Variants in SYNE1 observed in about 807,000 individuals in gnomAD.
The protein encoded by SYNE1 is spectrin repeat containing nuclear envelope protein 1.
Under a neutral mutation model 1,111.0 loss-of-function variants are expected in SYNE1, and 616 were observed. The observed-to-expected ratio is 0.55, with a 90% CI of 0.52 to 0.59. The LOEUF is 0.59. Among genes scored for constraint, SYNE1 ranks in the 20% least tolerant of loss-of-function variants. The pLI is 0.00. For missense variants in SYNE1, 10,006 were observed against 10,417.0 expected (o/e 0.96, Z 1.72); for synonymous variants, 3,855 against 3,825.8 (o/e 1.01, Z -0.28).
At chr6:152,249,538 A>G (rs141965816) in intron 104 of SYNE1, among the ~76,000 whole-genome samples, 208 of 151,834 alleles carry the variant, frequency 1.4e-3, no homozygotes, top group African/African-American at 4.9e-3. Flanking sequence ...CCCTAATCTC[A>G]TTACATCCGA....
At position 152,201,838 on chromosome 6, in the gene SYNE1, G is replaced by A. The variant is rs119103244; in HGVS notation, c.23131C>T (p.Gln7711Ter). The A allele has an allele frequency of 1.2e-6, 2 of 1,613,892 alleles. No homozygotes were observed. The highest frequency in any genetic ancestry group is 1.7e-6 in the Non-Finnish European group (2 of 1,179,826). ...PDHHEELHAE[Q>*]MRCKELENAV... The stretch of plus-strand genomic sequence containing the variant: ...CAGTAATTTACCTTGCAACGCATTT[G>A]TTCTGCATGGAGCTCTTCATGGTGA... The change falls in exon 127 of 146, where the codon CAA becomes TAA. Residue 7711 changes from glutamine (Q) to a stop codon, truncating the protein, a stop_gained. Coordinates refer to ENST00000367255, the MANE Select transcript of SYNE1 (RefSeq NM_182961.4). LOFTEE classifies it high-confidence loss of function.
intron 75 of SYNE1, among the ~76,000 whole-genome samples, chr6:152,338,909 G>A (rs2096468590): frequency 1.3e-5 from 2 of 152,052 alleles, no homozygotes; most frequent in African/African-American, 4.8e-5. Flanking sequence ...TAAAGAAAAA[G>A]GTGGAAAAGG....
rs114646495 is a variant in SYNE1 at position 152,274,114 on chromosome 6, T to C, written c.18573+3975A>G. Among the ~76,000 whole-genome samples the C allele has an allele frequency of 5.4e-3, 829 of 152,338 alleles. 5 individuals carry two copies. The highest frequency in any genetic ancestry group is 0.019 in the African/African-American group (801 of 41,580). On this transcript the variant is annotated intron_variant, in intron 98 of 145. Transcript: ENST00000367255. ...ATATATTAGACCTATAATAGCTGTT[T>C]ACAAAACTAGGTGAATTGCTGTCTA...
chr6:152,199,294 T>C (rs1233844595), intron 127 of SYNE1, among the ~76,000 whole-genome samples: 2 of 152,228 alleles, frequency 1.3e-5, no homozygotes, highest in Non-Finnish European at 2.9e-5. Flanking sequence ...CTGATCACAC[T>C]GATGAAATAT....
chr6:152,583,511 G>A (rs2099527235), intron 3 of SYNE1, among the ~76,000 whole-genome samples: 1 of 152,196 alleles, frequency 6.6e-6, no homozygotes, highest in Non-Finnish European at 1.5e-5. Flanking sequence ...AATGTTGCCT[G>A]TTTTATTACA....
rs546000599 is a variant in SYNE1, at chr6:152,259,214, A to T, written c.18973-2449T>A. The stretch of plus-strand genomic sequence containing the variant: ...ATACCGATCATAGCAACTTTTGACT[A>T]TTTTTTCTTAACCTTTGTTTCCTTT... On this transcript the variant is annotated intron_variant, in intron 101 of 145. Coordinates refer to ENST00000367255, the MANE Select transcript of SYNE1 (RefSeq NM_182961.4). Among the ~76,000 whole-genome samples the T allele has an allele frequency of 1.8e-4, 28 of 151,968 alleles. No homozygotes were observed. In the East Asian group the frequency reaches 5.2e-3, roughly 28 times the overall value.
In SYNE1 at chr6:152,369,974, C is replaced by A. The variant is rs1385317036; in HGVS notation, c.9508-360G>T. 4.6e-4 allele frequency among the ~76,000 whole-genome samples: 42 copies of A among 90,462 alleles called. No homozygotes were observed. The Admixed American group carries it at 6.8e-3, about 15-fold the overall frequency. The allele number at this position is 90,462 out of a possible 152,430, so 59.3% of individuals were successfully genotyped here. On this transcript the variant is annotated intron_variant, in intron 59 of 145. Transcript: ENST00000367255. ...CTCCAGCCTGGGTGACAGAGGGTGA[C>A]TCTGTCTCAAAAAAAAAAAAAAAAA... is the stretch of plus-strand genomic sequence containing the variant.
chr6:152,135,099 C>T lies in SYNE1; in HGVS notation c.25788+5G>A. 1 of 1,614,108 alleles carries T rather than the reference C, an allele frequency of 6.2e-7. No individual in the cohort carries two copies. ...CTGGAGGCTGCCAGAGTTCACACAT[C>T]TTACCATAAGCTGTTTGTGATGGTC... On this transcript the variant is annotated splice_donor_5th_base_variant and intron_variant, in intron 142 of 145. Coordinates refer to ENST00000367255, the MANE Select transcript of SYNE1 (RefSeq NM_182961.4).
chr6:152,511,271 C>T (rs1361213061), intron 6 of SYNE1, among the ~76,000 whole-genome samples, 168 bp from the exon 7 acceptor site: 1 of 151,918 alleles, frequency 6.6e-6, no homozygotes, highest in Non-Finnish European at 1.5e-5. Flanking sequence ...CACAAGGTTT[C>T]AGTGAAAATT....
intron 110 of SYNE1, 118 bp from the exon 111 acceptor site, chr6:152,234,918 A>G (rs2083639330): frequency 1.7e-6 from 2 of 1,200,208 alleles, no homozygotes; most frequent in Non-Finnish European, 2.4e-6. Flanking sequence ...TTAGAAGAAA[A>G]ATGCATGAGG....
At chr6:152,554,468 A>G (rs1484991604) in intron 3 of SYNE1, among the ~76,000 whole-genome samples, 4 of 152,152 alleles carry the variant, frequency 2.6e-5, no homozygotes, top group African/African-American at 9.7e-5. Flanking sequence ...CTGGATCAAA[A>G]GATCGATAGT....
rs544990494 is a variant in SYNE1 at position 152,417,870 on chromosome 6, C to A, written c.5422-855G>T. Among the ~76,000 whole-genome samples the A allele has an allele frequency of 2.0e-5, 3 of 152,148 alleles. No individual in the cohort carries two copies. In the South Asian group the frequency reaches 6.2e-4, roughly 32 times the overall value. ...GTTTAATTTTTTTAACTAACAATTT[C>A]TATCCACAAAATCCATGAAGAAATC... On this transcript the variant is annotated intron_variant, in intron 40 of 145. Coordinates refer to ENST00000367255, the MANE Select transcript of SYNE1 (RefSeq NM_182961.4).
Position 152,430,490 on chromosome 6 carries a change from G to A in SYNE1, c.4681C>T (p.Leu1561Phe), listed in dbSNP as rs762582299. The A allele has an allele frequency of 1.2e-6, 2 of 1,613,514 alleles. No homozygotes were observed. The highest frequency in any genetic ancestry group is 2.2e-5 in the East Asian group (1 of 44,880). Reference protein sequence around the residue: ...LSQQQKFEENLRKIQQSVSEF... With the variant: ...LSQQQKFEENFRKIQQSVSEF... ...GGTGGATCAATTCTTACCTTTCTAA[G>A]GTTCTCTTCAAACTTTTGCTGCTGA... The change falls in exon 35 of 146, where the codon CTT becomes TTT. Residue 1561 changes from leucine (L) to phenylalanine (F), a missense_variant. Physicochemically the swap from Leu to Phe is conservative, Grantham distance 22. Around this residue, in one of 7 missense-constraint regions of SYNE1, gnomAD observed 1,971 missense variants for 2,084.1 expected, o/e 0.95. Coordinates refer to ENST00000367255, the MANE Select transcript of SYNE1 (RefSeq NM_182961.4).
At chr6:152,597,997 C>A (rs1305085634) in intron 3 of SYNE1, among the ~76,000 whole-genome samples, 3 of 152,090 alleles carry the variant, frequency 2.0e-5, no homozygotes, top group Non-Finnish European at 4.4e-5. Flanking sequence ...GTAACGAAGG[C>A]ACCATCCCTT....
At chr6:152,175,590 T>A (rs968189513) in intron 130 of SYNE1, among the ~76,000 whole-genome samples, 5 of 152,224 alleles carry the variant, frequency 3.3e-5, no homozygotes, top group African/African-American at 1.2e-4. Flanking sequence ...AGTCCGTATT[T>A]AGGCACTGTT....
At chr6:152,340,830 C>A (rs913812888) in intron 74 of SYNE1, among the ~76,000 whole-genome samples, 2 of 152,186 alleles carry the variant, frequency 1.3e-5, no homozygotes, top group Non-Finnish European at 2.9e-5. Flanking sequence ...GGGTGGCAGG[C>A]AGCTATGGTG....
chr6:152,221,500 G>T lies in SYNE1; in HGVS notation c.21582C>A (p.Thr7194=). ...GGTGACACTCTTTTAATAATTGGTT[G>T]GTGATAGAGCCAAATTTCTGTAAGC... is the stretch of plus-strand genomic sequence containing the variant. ...ERSLQKFGSI[T]NQLLKECHPP... Residue 7194 remains threonine (T), a synonymous_variant, in exon 118 of 146, where the codon ACC becomes ACA. Coordinates refer to ENST00000367255, the MANE Select transcript of SYNE1 (RefSeq NM_182961.4). The T allele has an allele frequency of 6.2e-7, 1 of 1,613,846 alleles. No homozygotes were observed.
chr6:152,323,158 A>G (rs1214471460), intron 82 of SYNE1, among the ~76,000 whole-genome samples: 1 of 152,220 alleles, frequency 6.6e-6, no homozygotes, highest in Non-Finnish European at 1.5e-5. Context: ...CAGTAACAGA[A>G]TGAAAGTAGG....
intron 127 of SYNE1, among the ~76,000 whole-genome samples, chr6:152,200,623 T>C (rs929881453): frequency 2.0e-5 from 3 of 152,316 alleles, no homozygotes; most frequent in Non-Finnish European, 4.4e-5. Flanking sequence ...CTTGAACATC[T>C]GGTCTCAAAT....
Sources: gnomAD v4.1 joint callset for allele counts (sites outside exome capture counted in the v4.1 genomes callset) on GRCh38, gnomAD v4.1.1 for gene constraint, gnomAD v4.1.1 regional missense constraint, MANE v1.5 for transcripts, NCBI Gene and HGNC (gene_info 2026-07-23, HGNC 2026-07-21) for gene names.